Variants in CSMD1 observed in about 807,000 individuals in gnomAD.
CSMD1 encodes the protein CUB and Sushi multiple domains 1.
A neutral mutation model predicts 417.5 loss-of-function variants in CSMD1; 213 were observed. The observed-to-expected ratio is 0.51, with a 90% CI of 0.46 to 0.57. The LOEUF (loss-of-function observed/expected upper bound fraction) is 0.57, where lower values mean the gene tolerates loss of function less well. Among genes scored for constraint, CSMD1 ranks in the 20% least tolerant of loss-of-function variants. The pLI is 0.00. For synonymous variants in CSMD1, 2,862 were observed against 1,736.8 expected, an observed-to-expected ratio of 1.65 and a Z score of -16.11; for missense variants, 6,923 against 4,529.7, an observed-to-expected ratio of 1.53 and a Z score of -15.17.
intron 3 of CSMD1, among the ~76,000 whole-genome samples, chr8:4,172,105 G>A (rs1797796052): frequency 6.6e-6 from 1 of 152,098 alleles, no homozygotes; most frequent in African/African-American, 2.4e-5. Context: ...AGTTTATCAT[G>A]CGGATCATTT....
chr8:3,650,122 T>C (rs1797775541), intron 7 of CSMD1, among the ~76,000 whole-genome samples: 1 of 151,946 alleles, frequency 6.6e-6, no homozygotes, highest in African/African-American at 2.4e-5. Context: ...CTACTAAAAA[T>C]ACAAAACTTA....
intron 1 of CSMD1, among the ~76,000 whole-genome samples, chr8:4,905,110 T>C (rs1805154496): frequency 6.6e-6 from 1 of 152,158 alleles, no homozygotes; most frequent in African/African-American, 2.4e-5. Context: ...TTTTTAGTGC[T>C]CTATATACTC....
chr8:4,116,628 C>G lies in CSMD1; in HGVS notation c.416-84529G>C, dbSNP rs566653990. 2.0e-5 allele frequency among the ~76,000 whole-genome samples: 3 copies of G among 149,220 alleles called. No homozygotes were observed. The East Asian group carries it at 6.2e-4, about 31-fold the overall frequency. On this transcript the variant is annotated intron_variant, in intron 3 of 69. Transcript: ENST00000635120. ...AGGTGCCTGGATGGAACAAACGCGC[C>G]ATGAATGAACCCTAACGTAAGCTGT...
intron 7 of CSMD1, among the ~76,000 whole-genome samples, chr8:3,680,908 C>T (rs1045424103): frequency 6.6e-6 from 1 of 152,148 alleles, no homozygotes; most frequent in African/African-American, 2.4e-5. Context: ...AAACGTAATC[C>T]AGCATATAAA....
chr8:4,632,183 G>A (rs990043380), intron 2 of CSMD1, among the ~76,000 whole-genome samples: 1 of 152,140 alleles, frequency 6.6e-6, no homozygotes, highest in Non-Finnish European at 1.5e-5. Context: ...GCAGGGATGA[G>A]TTGCCCTGAA....
At chr8:4,167,854 A>C (rs958004895) in intron 3 of CSMD1, among the ~76,000 whole-genome samples, 1 of 152,114 alleles carries the variant, frequency 6.6e-6, no homozygotes, top group African/African-American at 2.4e-5. Context: ...AAGGCCAGAC[A>C]TGATGGCTTA....
intron 5 of CSMD1, among the ~76,000 whole-genome samples, chr8:3,855,061 G>A (rs1273605959): frequency 6.6e-6 from 1 of 152,068 alleles, no homozygotes; most frequent in Non-Finnish European, 1.5e-5. Context: ...TGAGAGAAAT[G>A]AGAATACCCC....
intron 1 of CSMD1, among the ~76,000 whole-genome samples, chr8:4,915,698 G>C (rs1221974340): frequency 6.6e-6 from 1 of 152,200 alleles, no homozygotes; most frequent in Non-Finnish European, 1.5e-5. Flanking sequence ...TTTCGGGAGA[G>C]GGTCACGCCC....
At chr8:4,408,271 A>G (rs1469063966) in intron 3 of CSMD1, among the ~76,000 whole-genome samples, 2 of 152,180 alleles carry the variant, frequency 1.3e-5, no homozygotes, top group Non-Finnish European at 2.9e-5. Context: ...ATGAAAGAAT[A>G]TAAGGTTATA....
At chr8:3,917,628 T>G (rs1435820702) in intron 5 of CSMD1, among the ~76,000 whole-genome samples, 2 of 152,180 alleles carry the variant, frequency 1.3e-5, no homozygotes, top group Non-Finnish European at 2.9e-5. Flanking sequence ...TACCTTTTTC[T>G]TAAAAATGCT....
At chr8:3,340,537 T>C (rs1432593328) in intron 23 of CSMD1, among the ~76,000 whole-genome samples, 1 of 152,218 alleles carries the variant, frequency 6.6e-6, no homozygotes, top group African/African-American at 2.4e-5. Context: ...CAAAAGTCTT[T>C]TGAAAATAGC....
chr8:3,493,718 C>G lies in CSMD1; in HGVS notation c.1353G>C (p.Lys451Asn), dbSNP rs201131145. The change falls in exon 11 of 70, where the codon AAG becomes AAC. Residue 451 changes from lysine to asparagine, a missense_variant. Physicochemically the swap from Lys to Asn is moderately conservative, Grantham distance 94. Coordinates refer to ENST00000635120, the MANE Select transcript of CSMD1 (RefSeq NM_033225.6). Reference sequence around the variant, plus strand: ...CCAGCTCAAACTCTTCAAAGGCAAGCTTGATGACCTAAATACAAGGTACGA... The same window carrying G: ...CCAGCTCAAACTCTTCAAAGGCAAGGTTGATGACCTAAATACAAGGTACGA... ...ITTTDPDKVIKLAFEEFELER... is the reference protein window; with the variant it reads ...ITTTDPDKVINLAFEEFELER... 3.9e-4 allele frequency: 623 copies of G among 1,609,498 alleles called. No individual in the cohort carries two copies. The highest frequency in any genetic ancestry group is 5.0e-4 in the Non-Finnish European group (594 of 1,177,932).
At position 3,698,599 on chromosome 8, in the gene CSMD1, G is replaced by A. The variant is rs182011557; in HGVS notation, c.1009+9815C>T. Among the ~76,000 whole-genome samples, 5 of 152,224 alleles carry A rather than the reference G, an allele frequency of 3.3e-5. No homozygotes were observed. The East Asian group carries it at 7.7e-4, about 24-fold the overall frequency. Reference sequence around the variant, plus strand: ...CTACTACCATTCAGATAAATCACACGTTCCTAATACAGCACTCGCGTCCCT... The same window carrying A: ...CTACTACCATTCAGATAAATCACACATTCCTAATACAGCACTCGCGTCCCT... On this transcript the variant is annotated intron_variant, in intron 7 of 69. Transcript: ENST00000635120.
At chr8:4,593,491 T>C (rs1261559777) in intron 2 of CSMD1, among the ~76,000 whole-genome samples, 2 of 152,136 alleles carry the variant, frequency 1.3e-5, no homozygotes, top group African/African-American at 4.8e-5. Context: ...AGAGAACGCT[T>C]TTAGAGTCTT....
chr8:3,675,790 G>C (rs1563261595), intron 7 of CSMD1, among the ~76,000 whole-genome samples: 1 of 152,148 alleles, frequency 6.6e-6, no homozygotes, highest in South Asian at 2.1e-4. Context: ...AAGCTGCCCA[G>C]TCTATGATAT....
intron 49 of CSMD1, among the ~76,000 whole-genome samples, chr8:3,084,381 G>C (rs1020095496): frequency 6.6e-6 from 1 of 151,908 alleles, no homozygotes; most frequent in Non-Finnish European, 1.5e-5. Context: ...AAATTAGCCG[G>C]CTATGGTGGT....
chr8:3,844,482 A>G (rs1198141018), intron 5 of CSMD1, among the ~76,000 whole-genome samples: 3 of 152,302 alleles, frequency 2.0e-5, no homozygotes, highest in African/African-American at 7.2e-5. Flanking sequence ...CAGAGAGAGC[A>G]ATCTCTTTGG....
intron 2 of CSMD1, among the ~76,000 whole-genome samples, chr8:4,500,631 G>C (rs541106063): frequency 6.6e-6 from 1 of 152,248 alleles, no homozygotes; most frequent in African/African-American, 2.4e-5. Context: ...GAGCGGGAGA[G>C]AGGGACGAAA....
At chr8:3,860,646 A>G (rs574910329) in intron 5 of CSMD1, among the ~76,000 whole-genome samples, 2 of 152,332 alleles carry the variant, frequency 1.3e-5, no homozygotes, top group African/African-American at 2.4e-5. Context: ...AATTTTCACC[A>G]TAATCCGGTT....
Sources: allele counts gnomAD v4.1 joint callset (sites outside exome capture counted in the v4.1 genomes callset), GRCh38; gene constraint gnomAD v4.1.1; transcripts MANE v1.5; gene names NCBI Gene and HGNC (gene_info 2026-07-23, HGNC 2026-07-21).